RNF13: variants seen among roughly 807,000 people sequenced by gnomAD.
RNF13 encodes E3 ubiquitin-protein ligase RNF13.
RNF13 carries 19 observed loss-of-function variants against 37.7 expected under a neutral mutation model. The observed-to-expected ratio is 0.50, with a 90% CI of 0.35 to 0.74. RNF13 has a LOEUF of 0.74. Ranked by LOEUF, RNF13 falls within the 30% of genes least tolerant of loss-of-function variation. The probability of loss-of-function intolerance (pLI) is 0.01; values close to 1 mark genes in which losing one functional copy is unlikely to be tolerated. For synonymous variants in RNF13, 144 were observed against 157.8 expected (o/e 0.91, Z 0.65); for missense variants, 375 against 453.0 (o/e 0.83, Z 1.56).
intron 2 of RNF13, among the ~76,000 whole-genome samples, chr3:149,848,039 G>C (rs1311658660): frequency 6.6e-6 from 1 of 152,106 alleles, no homozygotes; most frequent in African/African-American, 2.4e-5. Flanking sequence ...GAGTGTTGTG[G>C]TGGTGATTAA....
At chr3:149,848,271 G>A (rs751659768) in intron 2 of RNF13, among the ~76,000 whole-genome samples, 245 of 152,292 alleles carry the variant, frequency 1.6e-3, no homozygotes, top group Non-Finnish European at 2.3e-3. Context: ...GCTTTACACA[G>A]GTACTTGTGG....
At chr3:149,869,935 A>G (rs930428291) in intron 3 of RNF13, among the ~76,000 whole-genome samples, 10 of 151,900 alleles carry the variant, frequency 6.6e-5, no homozygotes, top group East Asian at 1.9e-4. Context: ...CAACAGGGAT[A>G]TCTTGGCACT....
intron 4 of RNF13, among the ~76,000 whole-genome samples, chr3:149,889,292 C>CGTGTGTGTGTGTGTGTGTGT (rs376618726): frequency 1.2e-4 from 16 of 138,224 alleles, no homozygotes; most frequent in South Asian, 4.8e-4. Flanking sequence ...TTTGAGTGTG[C>CGTGTGTGTGTGTGTGTGTGT]GTGTGTGTGT....
chr3:149,959,623 G>A (rs926037906), intron 8 of RNF13, among the ~76,000 whole-genome samples: 1 of 152,188 alleles, frequency 6.6e-6, no homozygotes, highest in African/African-American at 2.4e-5. Context: ...GAGATTTGAA[G>A]TCCAGTGTGA....
intron 1 of RNF13, among the ~76,000 whole-genome samples, chr3:149,836,641 C>T (rs931107516): frequency 2.0e-5 from 3 of 151,286 alleles, no homozygotes; most frequent in Non-Finnish European, 4.4e-5. Flanking sequence ...AAAAATCAAA[C>T]GTAGAATTAC....
At chr3:149,865,869 C>T (rs1212944057) in intron 3 of RNF13, among the ~76,000 whole-genome samples, 2 of 151,844 alleles carry the variant, frequency 1.3e-5, no homozygotes, top group East Asian at 3.9e-4. Flanking sequence ...GGATCTCGTG[C>T]AAGAAAGAAT....
At chr3:149,955,157 A>G (rs535809137) in intron 8 of RNF13, among the ~76,000 whole-genome samples, 22 of 152,246 alleles carry the variant, frequency 1.4e-4, no homozygotes, top group African/African-American at 5.3e-4. Context: ...AGATTTTTGA[A>G]GATTATATGT....
chr3:149,941,106 T>G (rs1388629798), intron 8 of RNF13, among the ~76,000 whole-genome samples: 2 of 152,208 alleles, frequency 1.3e-5, no homozygotes, highest in Non-Finnish European at 2.9e-5. Flanking sequence ...TCAATAGACA[T>G]TTGGATTGTT....
chr3:149,886,526 G>C (rs1163862449), intron 4 of RNF13, among the ~76,000 whole-genome samples: 1 of 152,086 alleles, frequency 6.6e-6, no homozygotes, highest in East Asian at 1.9e-4. Context: ...TTGATTGATT[G>C]ATCGAGATAT....
At chr3:149,944,416 T>G (rs1488383424) in intron 8 of RNF13, among the ~76,000 whole-genome samples, 2 of 152,314 alleles carry the variant, frequency 1.3e-5, no homozygotes, top group Non-Finnish European at 2.9e-5. Context: ...ATGGTTGAAC[T>G]AGTTTACAGT....
chr3:149,892,918 G>A (rs1307213899), intron 4 of RNF13, among the ~76,000 whole-genome samples: 1 of 152,076 alleles, frequency 6.6e-6, no homozygotes, highest in African/African-American at 2.4e-5. Flanking sequence ...CTCTAAGCAG[G>A]GAGCAATTAA....
chr3:149,845,835 T>G, intron 1 of RNF13, 176 bp from the exon 2 acceptor site: 2 of 502,238 alleles, frequency 4.0e-6, no homozygotes, highest in Non-Finnish European at 7.0e-6. Flanking sequence ...GGTGTTTACC[T>G]AAATGTCCAA....
intron 7 of RNF13, among the ~76,000 whole-genome samples, chr3:149,916,911 G>T (rs1400754233): frequency 6.6e-6 from 1 of 151,924 alleles, no homozygotes; most frequent in East Asian, 1.9e-4. Flanking sequence ...ATGCATTTAG[G>T]TTATAAATTT....
chr3:149,891,161 C>G lies in RNF13; in HGVS notation c.322-4312C>G, dbSNP rs77385966. Among the ~76,000 whole-genome samples the G allele has an allele frequency of 4.1e-3, 627 of 152,280 alleles. 6 individuals carry two copies. The highest frequency in any genetic ancestry group is 0.015 in the African/African-American group (603 of 41,548). ...AGCAGTGTTTAAATCTCAGCTCTGC[C>G]TAAGTGTGACCTTAGGGTAGTTACA... On this transcript the variant is annotated intron_variant, in intron 4 of 9. Transcript: ENST00000392894.
intron 2 of RNF13, among the ~76,000 whole-genome samples, chr3:149,848,255 C>T (rs992766050): frequency 6.6e-6 from 1 of 151,950 alleles, no homozygotes; most frequent in Non-Finnish European, 1.5e-5. Flanking sequence ...CAGCAGTGTT[C>T]CTTGTGCTTT....
rs753275950 is a variant in RNF13, at chr3:149,921,174, A to G, written c.647A>G (p.Asn216Ser). 1 of 1,433,568 alleles carries G rather than the reference A, an allele frequency of 7.0e-7. No homozygotes were observed. Among genetic ancestry groups the G allele is most frequent in the Non-Finnish European group, 9.3e-7 (1 of 1,079,938 alleles). The allele number at this position is 1,433,568 out of a possible 1,614,324, so 88.8% of individuals were successfully genotyped here. A position where few individuals can be genotyped will look rare whatever the true frequency, so the allele number is the denominator to read the frequency against. ...FVQDRHRARR[N>S]RLRKDQLKKL... is the part of the protein sequence containing the mutation. Reference sequence around the variant, plus strand: ...CAGGATAGACATAGAGCTAGAAGAAACAGACTTCGTAAAGATCAACTTAAG... The same window carrying G: ...CAGGATAGACATAGAGCTAGAAGAAGCAGACTTCGTAAAGATCAACTTAAG... Residue 216 changes from asparagine (N) to serine (S), a missense_variant, in exon 8 of 10, where the codon AAC (asparagine) becomes AGC (serine). By Grantham distance (46) the Asn-to-Ser change is conservative (BLOSUM62 1). Coordinates refer to ENST00000392894, the MANE Select transcript of RNF13 (RefSeq NM_183381.3).
intron 8 of RNF13, among the ~76,000 whole-genome samples, chr3:149,937,832 T>G (rs1197414392): frequency 6.6e-6 from 1 of 152,158 alleles, no homozygotes; most frequent in Non-Finnish European, 1.5e-5. Flanking sequence ...AAGTATACTT[T>G]ATGTCCCAGA....
chr3:149,935,891 G>T (rs1719622479), intron 8 of RNF13, among the ~76,000 whole-genome samples: 1 of 152,014 alleles, frequency 6.6e-6, no homozygotes, highest in Non-Finnish European at 1.5e-5. Context: ...GTGTCCTTTT[G>T]TTCCAGATTG....
intron 8 of RNF13, among the ~76,000 whole-genome samples, chr3:149,959,341 C>T (rs528244878): frequency 1.3e-5 from 2 of 152,138 alleles, no homozygotes; most frequent in African/African-American, 4.8e-5. Context: ...CAAACAAAAA[C>T]TGCTAGTTCC....
Sources: allele counts gnomAD v4.1 joint callset (sites outside exome capture counted in the v4.1 genomes callset), GRCh38; gene constraint gnomAD v4.1.1; transcripts MANE v1.5; gene names NCBI Gene and HGNC (gene_info 2026-07-23, HGNC 2026-07-21).